The following AEBP2 variants were observed in gnomAD, a reference collection of about 807,000 sequenced individuals.
AEBP2 encodes the protein zinc finger protein AEBP2.
AEBP2 carries 10 observed loss-of-function variants against 50.8 expected under a neutral mutation model. The observed-to-expected ratio is 0.20, with a 90% CI of 0.12 to 0.33. AEBP2 has a LOEUF of 0.33. AEBP2 is among the 10% of genes least tolerant of loss of function. The pLI is 1.00. For missense variants in AEBP2, 570 were observed against 688.0 expected, an observed-to-expected ratio of 0.83 and a Z score of 1.92; for synonymous variants, 296 against 261.3, an observed-to-expected ratio of 1.13 and a Z score of -1.28.
intron 3 of AEBP2, among the ~76,000 whole-genome samples, chr12:19,473,860 A>AT (rs1483806263): frequency 6.6e-6 from 1 of 152,100 alleles, no homozygotes; most frequent in African/African-American, 2.4e-5. Context: ...CATTTGATCA[A>AT]TTTTTTTCTA....
chr12:19,507,363 A>G (rs1949166998), intron 5 of AEBP2, among the ~76,000 whole-genome samples: 1 of 152,176 alleles, frequency 6.6e-6, no homozygotes, highest in Non-Finnish European at 1.5e-5. Flanking sequence ...TAGCTTCACC[A>G]TGGGAGGAAT....
At chr12:19,468,740 G>A (rs1347226595) in intron 2 of AEBP2, among the ~76,000 whole-genome samples, 1 of 152,130 alleles carries the variant, frequency 6.6e-6, no homozygotes, top group Non-Finnish European at 1.5e-5. Context: ...TGGCTCCTAG[G>A]TTTGTACCAT....
At chr12:19,501,799 T>TTG (rs201190757) in intron 5 of AEBP2, among the ~76,000 whole-genome samples, 5,378 of 75,018 alleles carry the variant, frequency 0.072, 216 homozygotes, top group Admixed American at 0.21. Context: ...ATGAGTTTGT[T>TTG]TTTTTTTTTT....
chr12:19,440,778 C>G, intron 1 of AEBP2: 2 of 1,532,248 alleles, frequency 1.3e-6, no homozygotes, highest in Non-Finnish European at 1.7e-6. Context: ...CTACAATTGA[C>G]AAGTGTTTCC....
intron 1 of AEBP2, among the ~76,000 whole-genome samples, chr12:19,441,125 C>T (rs1436925057): frequency 6.6e-6 from 1 of 151,994 alleles, no homozygotes; most frequent in African/African-American, 2.4e-5. Flanking sequence ...TAGTTTGCGG[C>T]TTTATAGTAA....
chr12:19,425,773 CAAA>C (rs11317571), intron 1 of AEBP2, among the ~76,000 whole-genome samples: 6 of 47,890 alleles, frequency 1.3e-4, no homozygotes, highest in Admixed American at 1.1e-3. Flanking sequence ...GACTCCATCT[CAAA>C]AAAAAAAAAA....
chr12:19,488,031 A>G (rs1364057771), intron 3 of AEBP2, among the ~76,000 whole-genome samples: 1 of 152,010 alleles, frequency 6.6e-6, no homozygotes, highest in East Asian at 1.9e-4. Context: ...TATATTACAT[A>G]TTTTGACTAA....
chr12:19,441,287 A>G (rs567144634), intron 1 of AEBP2, among the ~76,000 whole-genome samples: 1 of 152,334 alleles, frequency 6.6e-6, no homozygotes, highest in Non-Finnish European at 1.5e-5. Flanking sequence ...GAACATTTAA[A>G]AAGTGTGATA....
intron 1 of AEBP2, chr12:19,440,584 T>A: frequency 7.0e-7 from 1 of 1,435,938 alleles, no homozygotes; most frequent in Non-Finnish European, 9.2e-7. Flanking sequence ...CCCCCCCAAC[T>A]CTCCTTTCCC....
At chr12:19,455,684 A>G (rs80136987) in intron 1 of AEBP2, among the ~76,000 whole-genome samples, 3,451 of 152,340 alleles carry the variant, frequency 0.023, 68 homozygotes, top group Middle Eastern at 0.048. Context: ...TTATAAAATC[A>G]TACAGTTGAT....
chr12:19,440,053 G>C lies in AEBP2; in HGVS notation c.354G>C (p.Glu118Asp). 6.6e-7 allele frequency: 1 copy of C among 1,520,612 alleles called. No individual in the cohort carries two copies. Among genetic ancestry groups the C allele is most frequent in the South Asian group, 1.2e-5 (1 of 83,104 alleles). 94.2% of individuals were successfully genotyped at this position (1,520,612 alleles called of 1,614,324 possible). The part of the protein sequence containing the change: ...DESSSSGGGE[E>D]ESSAESLVGS... ...GCAGCAGCAGCGGCGGGGGTGAGGA[G>C]GAGAGTAGCGCCGAGAGCCTGGTGG... The change falls in exon 1 of 8, where the codon GAG becomes GAC. Residue 118 changes from glutamate (E) to aspartate (D), a missense_variant. Glu to Asp is a conservative substitution (Grantham distance 45). Coordinates refer to ENST00000266508, the MANE Select transcript of AEBP2 (RefSeq NM_153207.5).
intron 1 of AEBP2, chr12:19,456,668 A>G (rs1378594038): frequency 1.2e-5 from 18 of 1,558,972 alleles, no homozygotes; most frequent in African/African-American, 4.1e-5. Context: ...CATCATTGCC[A>G]TGACGAACAT....
upstream of AEBP2, among the ~76,000 whole-genome samples, chr12:19,438,576 TAC>T (rs1947885956): frequency 1.3e-5 from 2 of 152,220 alleles, no homozygotes; most frequent in African/African-American, 4.8e-5. Flanking sequence ...GTTTAGTACT[TAC>T]AAACATTTGA....
chr12:19,452,827 T>A (rs749194995), intron 1 of AEBP2, among the ~76,000 whole-genome samples: 1 of 152,192 alleles, frequency 6.6e-6, no homozygotes, highest in Non-Finnish European at 1.5e-5. Context: ...GTTTTATAGA[T>A]GAAAGGAATA....
chr12:19,461,413 TAA>T (rs1413605200), intron 1 of AEBP2, among the ~76,000 whole-genome samples: 1 of 152,222 alleles, frequency 6.6e-6, no homozygotes, highest in African/African-American at 2.4e-5. Context: ...TTTTAGTAAA[TAA>T]AAGAGTTACT....
chr12:19,470,604 TACTAG>T (rs1333676099), intron 2 of AEBP2, among the ~76,000 whole-genome samples: 4 of 152,220 alleles, frequency 2.6e-5, no homozygotes, highest in Non-Finnish European at 5.9e-5. Context: ...TTAATCGTGT[TACTAG>T]ACATTATTCC....
chr12:19,416,979 C>T (rs370292016), intron 1 of AEBP2, among the ~76,000 whole-genome samples: 12 of 151,756 alleles, frequency 7.9e-5, no homozygotes, highest in African/African-American at 2.9e-4. Context: ...TCAAGTGATT[C>T]TCCTGCCTCA....
intron 7 of AEBP2, among the ~76,000 whole-genome samples, chr12:19,517,261 C>T (rs576833401): frequency 3.3e-5 from 5 of 152,224 alleles, no homozygotes; most frequent in Admixed American, 2.6e-4. Context: ...AAATAACTTC[C>T]TGCTTGTGCA....
chr12:19,406,022 A>G lies in AEBP2; in HGVS notation c.-17+1806A>G, dbSNP rs1480875255. 2.7e-5 allele frequency among the ~76,000 whole-genome samples: 4 copies of G among 148,274 alleles called. No homozygotes were observed. The South Asian group carries it at 6.4e-4, about 24-fold the overall frequency. On this transcript the variant is annotated intron_variant, in intron 1 of 3. Coordinates refer to the AEBP2 transcript ENST00000538425. Reference sequence around the variant, plus strand: ...GGAGTCTCACTCCAGGCTGGAGTGCAGTGGTGCAATCTTGGCTCACTGCAA... The same window carrying G: ...GGAGTCTCACTCCAGGCTGGAGTGCGGTGGTGCAATCTTGGCTCACTGCAA...
Sources: allele counts gnomAD v4.1 joint callset (sites outside exome capture counted in the v4.1 genomes callset), GRCh38; gene constraint gnomAD v4.1.1; transcripts MANE v1.5; gene names NCBI Gene and HGNC (gene_info 2026-07-23, HGNC 2026-07-21).